The following CA10 variants were observed in gnomAD, a reference collection of about 807,000 sequenced individuals.
The protein encoded by CA10 is carbonic anhydrase 10 (inactive), also known as carbonic anhydrase-related protein 10.
In CA10, 14 loss-of-function variants were observed where a neutral mutation model predicts 44.2. That is an observed-to-expected ratio of 0.32 (90% confidence interval 0.21 to 0.50). The LOEUF is 0.50. Ranked by LOEUF, CA10 falls within the 20% of genes least tolerant of loss-of-function variation. CA10 has a pLI of 0.99. For synonymous variants in CA10, 159 were observed against 141.6 expected (o/e 1.12, Z -0.87); for missense variants, 350 against 409.7 (o/e 0.85, Z 1.26).
chr17:52,062,444 G>A (rs917345245), intron 2 of CA10, among the ~76,000 whole-genome samples: 6 of 152,132 alleles, frequency 3.9e-5, no homozygotes, highest in African/African-American at 1.4e-4. Flanking sequence ...ATGGATAAAA[G>A]GGAGTCAGGT....
At chr17:51,749,143 G>A in intron 3 of CA10, among the ~76,000 whole-genome samples, 1 of 152,206 alleles carries the variant, frequency 6.6e-6, no homozygotes, top group Non-Finnish European at 1.5e-5. Flanking sequence ...TGTCAGCCTA[G>A]GCCCCTAGAG....
At chr17:51,634,525 A>G (rs960044432) in intron 7 of CA10, among the ~76,000 whole-genome samples, 1 of 152,124 alleles carries the variant, frequency 6.6e-6, no homozygotes, top group African/African-American at 2.4e-5. Flanking sequence ...GAGCAAACTC[A>G]TGTAATTTAT....
intron 3 of CA10, among the ~76,000 whole-genome samples, chr17:51,859,385 C>A (rs1979199591): frequency 6.6e-6 from 1 of 152,172 alleles, no homozygotes; most frequent in South Asian, 2.1e-4. Flanking sequence ...GCATCCCAAA[C>A]TAGTATGTTA....
intron 2 of CA10, among the ~76,000 whole-genome samples, chr17:51,999,020 T>A (rs1985334143): frequency 1.3e-5 from 2 of 152,120 alleles, no homozygotes; most frequent in South Asian, 4.1e-4. Context: ...TGGGTGGTTC[T>A]GAATTAATGA....
chr17:51,729,813 T>G (rs143770227), intron 4 of CA10, among the ~76,000 whole-genome samples: 1 of 152,366 alleles, frequency 6.6e-6, no homozygotes, highest in African/African-American at 2.4e-5. Context: ...AGGTTGCATT[T>G]CTTTTCAGAG....
intron 3 of CA10, among the ~76,000 whole-genome samples, chr17:51,917,361 C>CCTGGGAATACCAGGGAAGAGATG (rs1209191703): frequency 9.4e-6 from 1 of 106,016 alleles, no homozygotes; most frequent in African/African-American, 2.6e-5. Flanking sequence ...GTACTGAAGG[C>CCTGGGAATACCAGGGAAGAGATG]TGCCTCCCTA....
chr17:51,966,490 G>A (rs1050489487), intron 2 of CA10, among the ~76,000 whole-genome samples: 2 of 151,828 alleles, frequency 1.3e-5, no homozygotes, highest in Admixed American at 6.6e-5. Flanking sequence ...AAACAGCATG[G>A]TACTGGTACA....
At chr17:51,919,897 C>A (rs1170651534) in intron 3 of CA10, among the ~76,000 whole-genome samples, 1 of 152,174 alleles carries the variant, frequency 6.6e-6, no homozygotes, top group Admixed American at 6.5e-5. Context: ...CATGATCTGC[C>A]TGCCTTGGCC....
At chr17:52,157,538 CG>C (rs67822192) in intron 1 of CA10, among the ~76,000 whole-genome samples, 187 bp downstream of exon 1, 7,586 of 145,920 alleles carry the variant, frequency 0.052, 364 homozygotes, top group South Asian at 0.12. Context: ...CACCCCCCCC[CG>C]CAAAACACAC....
intron 4 of CA10, among the ~76,000 whole-genome samples, chr17:51,658,419 G>A (rs569776955): frequency 6.6e-6 from 1 of 152,304 alleles, no homozygotes; most frequent in Admixed American, 6.5e-5. Flanking sequence ...GGAAAGAATG[G>A]GGGCGAGGAT....
At chr17:51,666,659 A>T (rs1914217486) in intron 4 of CA10, among the ~76,000 whole-genome samples, 1 of 152,108 alleles carries the variant, frequency 6.6e-6, no homozygotes, top group Admixed American at 6.5e-5. Context: ...CAAATTTAAT[A>T]ACCTCTCTCA....
intron 4 of CA10, among the ~76,000 whole-genome samples, chr17:51,745,440 G>A (rs1373979152): frequency 6.6e-6 from 1 of 152,116 alleles, no homozygotes; most frequent in African/African-American, 2.4e-5. Flanking sequence ...TCTTCACTGG[G>A]AACACATAAT....
At chr17:51,922,472 C>A (rs1982271740) in intron 3 of CA10, among the ~76,000 whole-genome samples, 1 of 152,184 alleles carries the variant, frequency 6.6e-6, no homozygotes, top group African/African-American at 2.4e-5. Context: ...TTTCTGGAAA[C>A]TTCAACTTGT....
intron 3 of CA10, among the ~76,000 whole-genome samples, chr17:51,797,364 A>G (rs921007258): frequency 6.6e-6 from 1 of 152,210 alleles, no homozygotes; most frequent in African/African-American, 2.4e-5. Flanking sequence ...GCACGCGTGC[A>G]CGCACACACG....
chr17:52,001,525 C>T (rs1217836678), intron 2 of CA10, among the ~76,000 whole-genome samples: 1 of 151,692 alleles, frequency 6.6e-6, no homozygotes, highest in African/African-American at 2.4e-5. Flanking sequence ...GTTGCTGTTG[C>T]ACCTTTCTGT....
intron 2 of CA10, among the ~76,000 whole-genome samples, chr17:52,062,065 C>T (rs1384321063): frequency 4.3e-5 from 5 of 115,788 alleles, no homozygotes; most frequent in Non-Finnish European, 5.0e-5. Flanking sequence ...GGTGTGGCCA[C>T]TTTTTTTTTT....
At chr17:51,792,303 A>C (rs1310158614) in intron 3 of CA10, among the ~76,000 whole-genome samples, 2 of 152,206 alleles carry the variant, frequency 1.3e-5, no homozygotes, top group African/African-American at 4.8e-5. Flanking sequence ...TCTCCATCTC[A>C]ATGTTTTGCA....
chr17:52,096,421 T>C (rs555878051), intron 1 of CA10, among the ~76,000 whole-genome samples: 5 of 152,064 alleles, frequency 3.3e-5, no homozygotes, highest in Non-Finnish European at 7.4e-5. Context: ...TTCCCCATCT[T>C]TAGAGAAAAA....
intron 1 of CA10, among the ~76,000 whole-genome samples, chr17:52,078,283 G>T (rs1987870846): frequency 6.6e-6 from 1 of 152,188 alleles, no homozygotes. Context: ...GTGCAATAGG[G>T]AACAGAAGAG....
Sources: gnomAD v4.1 joint callset for allele counts (sites outside exome capture counted in the v4.1 genomes callset) on GRCh38, gnomAD v4.1.1 for gene constraint, MANE v1.5 for transcripts, NCBI Gene and HGNC (gene_info 2026-07-23, HGNC 2026-07-21) for gene names.